Variants in CORIN observed in about 807,000 individuals in gnomAD.
The protein encoded by CORIN is corin, serine peptidase, also known as atrial natriuretic peptide-converting enzyme.
CORIN carries 117 observed loss-of-function variants against 125.3 expected under a neutral mutation model. The observed-to-expected ratio is 0.93, with a 90% CI of 0.80 to 1.09. The LOEUF is 1.09. Ranked by LOEUF, CORIN falls within the 50% of genes least tolerant of loss-of-function variation. CORIN has a pLI of 0.00. For missense variants in CORIN, 1,253 were observed against 1,306.7 expected, an observed-to-expected ratio of 0.96 and a Z score of 0.63; for synonymous variants, 450 against 466.4, an observed-to-expected ratio of 0.96 and a Z score of 0.45.
intron 2 of CORIN, among the ~76,000 whole-genome samples, chr4:47,787,704 G>T (rs1165064187): frequency 2.0e-5 from 3 of 152,184 alleles, no homozygotes; most frequent in African/African-American, 7.2e-5. Flanking sequence ...GTGAGATTTT[G>T]GTGCACCCAT....
chr4:47,753,420 T>C (rs1320016384), intron 4 of CORIN, among the ~76,000 whole-genome samples: 1 of 152,098 alleles, frequency 6.6e-6, no homozygotes, highest in Admixed American at 6.6e-5. Context: ...GACCTCAACT[T>C]TACCAGGACG....
chr4:47,724,320 A>G (rs766396625), intron 5 of CORIN, among the ~76,000 whole-genome samples: 2 of 152,170 alleles, frequency 1.3e-5, no homozygotes, highest in African/African-American at 2.4e-5. Flanking sequence ...AAATTAATAG[A>G]TATTATCTAA....
At chr4:47,635,112 T>C (rs7679354) in intron 16 of CORIN, among the ~76,000 whole-genome samples, 39,885 of 152,108 alleles carry the variant, frequency 0.26, 5,477 homozygotes, top group Admixed American at 0.36. Context: ...TTCAAGCTGA[T>C]ATAAAGTGAG....
At chr4:47,601,177 T>C (rs760503673) in intron 20 of CORIN, among the ~76,000 whole-genome samples, 2 of 152,212 alleles carry the variant, frequency 1.3e-5, no homozygotes, top group African/African-American at 2.4e-5. Flanking sequence ...AGCTAACATT[T>C]ATTGGGCACT....
At chr4:47,622,254 G>T (rs1722352272) in intron 19 of CORIN, among the ~76,000 whole-genome samples, 1 of 151,620 alleles carries the variant, frequency 6.6e-6, no homozygotes. Context: ...TATCATTGTT[G>T]GACATTTGGG....
intron 10 of CORIN, among the ~76,000 whole-genome samples, chr4:47,668,867 T>G (rs1228130798): frequency 6.6e-6 from 1 of 152,234 alleles, no homozygotes; most frequent in Non-Finnish European, 1.5e-5. Flanking sequence ...GTTTATTGGA[T>G]CTTGAGTTTT....
chr4:47,603,371 G>A (rs1227171603), intron 20 of CORIN, 26 bp downstream of exon 20: 5 of 1,607,794 alleles, frequency 3.1e-6, no homozygotes, highest in Non-Finnish European at 4.2e-6. Flanking sequence ...ATAGCAGCAT[G>A]AGAATGGACT....
chr4:47,651,823 A>AAG (rs1723741210), intron 13 of CORIN, among the ~76,000 whole-genome samples: 1 of 152,326 alleles, frequency 6.6e-6, no homozygotes, highest in Admixed American at 6.5e-5. Context: ...TTTAAACCCT[A>AAG]TACCAATATG....
intron 16 of CORIN, among the ~76,000 whole-genome samples, chr4:47,626,996 T>G (rs36050696): frequency 0.022 from 3,064 of 142,470 alleles, 72 homozygotes; most frequent in African/African-American, 0.063. Flanking sequence ...TGTTGTTGTT[T>G]TTTTTTTGAT....
At chr4:47,818,878 G>GAAAAAAAAA (rs79110235) in intron 1 of CORIN, among the ~76,000 whole-genome samples, 1 of 52,630 alleles carries the variant, frequency 1.9e-5, no homozygotes. Flanking sequence ...GTCAAAAACA[G>GAAAAAAAAA]AAAAAAAAAA....
intron 5 of CORIN, among the ~76,000 whole-genome samples, chr4:47,694,641 C>T (rs1031877727): frequency 2.6e-5 from 4 of 152,136 alleles, no homozygotes; most frequent in Non-Finnish European, 4.4e-5. Context: ...AAAGTACAGG[C>T]TGAAAGCTCC....
At chr4:47,737,515 T>G (rs905300104) in intron 5 of CORIN, among the ~76,000 whole-genome samples, 1 of 152,186 alleles carries the variant, frequency 6.6e-6, no homozygotes, top group Non-Finnish European at 1.5e-5. Flanking sequence ...TCAACTATTT[T>G]GGATCAACAT....
At chr4:47,618,476 A>T (rs1220528582) in intron 19 of CORIN, among the ~76,000 whole-genome samples, 2 of 151,992 alleles carry the variant, frequency 1.3e-5, no homozygotes, top group African/African-American at 2.4e-5. Flanking sequence ...TAGTGAAAAG[A>T]CTGAAGTGAG....
At chr4:47,629,197 A>T (rs1246586097) in intron 16 of CORIN, among the ~76,000 whole-genome samples, 2 of 152,104 alleles carry the variant, frequency 1.3e-5, no homozygotes, top group African/African-American at 4.8e-5. Context: ...CTTCTCCCCA[A>T]CATTTTTTAT....
At chr4:47,679,322 C>G (rs193106172) in intron 8 of CORIN, among the ~76,000 whole-genome samples, 7 of 151,722 alleles carry the variant, frequency 4.6e-5, no homozygotes, top group African/African-American at 1.7e-4. Flanking sequence ...TTCATTCACA[C>G]AGAAACACAA....
At chr4:47,739,239 C>G (rs1728273522) in intron 5 of CORIN, among the ~76,000 whole-genome samples, 1 of 152,034 alleles carries the variant, frequency 6.6e-6, no homozygotes. Flanking sequence ...AGGATCTACA[C>G]TTAGACACAT....
At chr4:47,622,181 A>G (rs1722348675) in intron 19 of CORIN, among the ~76,000 whole-genome samples, 1 of 151,624 alleles carries the variant, frequency 6.6e-6, no homozygotes, top group South Asian at 2.1e-4. Context: ...ACATGAACTC[A>G]TCATTTTTTA....
chr4:47,805,146 A>AAAAT (rs1560557383), intron 2 of CORIN, among the ~76,000 whole-genome samples: 5 of 143,048 alleles, frequency 3.5e-5, no homozygotes, highest in African/African-American at 1.3e-4. Context: ...AAAAAAAAAA[A>AAAAT]AAAATAATAA....
At chr4:47,728,044 T>C (rs1036605659) in intron 5 of CORIN, among the ~76,000 whole-genome samples, 2 of 152,116 alleles carry the variant, frequency 1.3e-5, no homozygotes, top group African/African-American at 2.4e-5. Flanking sequence ...AATAAACATA[T>C]GGATAGAGCA....
Sources: gnomAD v4.1 joint callset for allele counts (sites outside exome capture counted in the v4.1 genomes callset) on GRCh38, gnomAD v4.1.1 for gene constraint, MANE v1.5 for transcripts, NCBI Gene and HGNC (gene_info 2026-07-23, HGNC 2026-07-21) for gene names.